Variants in SORCS3 observed in about 807,000 individuals in gnomAD.
SORCS3 encodes sortilin related VPS10 domain containing receptor 3, also known as VPS10 domain-containing receptor SorCS3.
SORCS3 carries 57 observed loss-of-function variants against 146.3 expected under a neutral mutation model. The observed-to-expected ratio is 0.39, with a 90% CI of 0.31 to 0.49. The LOEUF is 0.49. Ranked by LOEUF, SORCS3 falls within the 20% of genes least tolerant of loss-of-function variation. SORCS3 has a pLI of 0.92. For missense variants in SORCS3, 1,341 were observed against 1,575.5 expected, an observed-to-expected ratio of 0.85 and a Z score of 2.52; for synonymous variants, 653 against 618.5, an observed-to-expected ratio of 1.06 and a Z score of -0.83.
chr10:104,732,404 C>T (rs2016716299), intron 1 of SORCS3, among the ~76,000 whole-genome samples: 1 of 152,132 alleles, frequency 6.6e-6, no homozygotes, highest in South Asian at 2.1e-4. Flanking sequence ...AACCGTAGTG[C>T]TTGCATTTGA....
At chr10:104,952,560 C>T (rs1167269164) in intron 3 of SORCS3, among the ~76,000 whole-genome samples, 3 of 152,042 alleles carry the variant, frequency 2.0e-5, no homozygotes, top group Admixed American at 2.0e-4. Flanking sequence ...TCTCAGTGTC[C>T]AAGATTCTTG....
intron 1 of SORCS3, among the ~76,000 whole-genome samples, chr10:104,782,783 G>T (rs984778132): frequency 6.6e-6 from 1 of 152,128 alleles, no homozygotes; most frequent in Non-Finnish European, 1.5e-5. Flanking sequence ...TCTTCTGACC[G>T]TGAAATGGAT....
intron 4 of SORCS3, among the ~76,000 whole-genome samples, chr10:105,009,909 A>G (rs902080189): frequency 6.6e-6 from 1 of 152,148 alleles, no homozygotes; most frequent in African/African-American, 2.4e-5. Context: ...GTGGAAACAT[A>G]GAAAGACTTA....
chr10:104,709,249 C>T (rs2016384795), intron 1 of SORCS3, among the ~76,000 whole-genome samples: 1 of 152,194 alleles, frequency 6.6e-6, no homozygotes, highest in Non-Finnish European at 1.5e-5. Flanking sequence ...TCTGGGAATG[C>T]GTCACATGGA....
intron 20 of SORCS3, among the ~76,000 whole-genome samples, chr10:105,241,130 G>T (rs1347164182): frequency 6.6e-6 from 1 of 151,968 alleles, no homozygotes; most frequent in Non-Finnish European, 1.5e-5. Context: ...AATTCTTAGG[G>T]TTGCAGTTCC....
chr10:104,650,344 T>C (rs2015543041), intron 1 of SORCS3, among the ~76,000 whole-genome samples: 1 of 152,194 alleles, frequency 6.6e-6, no homozygotes, highest in Non-Finnish European at 1.5e-5. Context: ...TACCAGGAAT[T>C]GTTCCGAAGG....
At chr10:104,643,709 G>GGGGTGTGTGTGT (rs758845919) in intron 1 of SORCS3, among the ~76,000 whole-genome samples, 12 of 144,638 alleles carry the variant, frequency 8.3e-5, no homozygotes, top group Non-Finnish European at 1.1e-4. Flanking sequence ...TGATAATTAG[G>GGGGTGTGTGTGT]GTGTGTGTGT....
At chr10:104,822,548 C>T (rs906518424) in intron 1 of SORCS3, among the ~76,000 whole-genome samples, 4 of 152,106 alleles carry the variant, frequency 2.6e-5, no homozygotes, top group South Asian at 2.1e-4. Context: ...AGGTTCTGCT[C>T]CTTTCTCAGG....
chr10:105,005,319 C>T (rs747763111), intron 4 of SORCS3, among the ~76,000 whole-genome samples: 76 of 152,122 alleles, frequency 5.0e-4, no homozygotes, highest in Non-Finnish European at 9.4e-4. Flanking sequence ...TAGAAACAAA[C>T]ATGGAACTAC....
At chr10:105,204,200 A>T (rs1051824914) in intron 16 of SORCS3, among the ~76,000 whole-genome samples, 2 of 152,094 alleles carry the variant, frequency 1.3e-5, no homozygotes, top group Non-Finnish European at 2.9e-5. Context: ...ATGAGAAGAA[A>T]CATCTTGGAT....
chr10:105,190,102 G>A (rs1363788031), intron 14 of SORCS3, among the ~76,000 whole-genome samples: 2 of 152,212 alleles, frequency 1.3e-5, no homozygotes, highest in African/African-American at 4.8e-5. Context: ...CCATACCTCA[G>A]TGCCAAACTG....
chr10:104,993,485 A>G (rs1457374266), intron 4 of SORCS3, among the ~76,000 whole-genome samples: 3 of 152,216 alleles, frequency 2.0e-5, no homozygotes, highest in Admixed American at 2.0e-4. Context: ...AAGCTTTCTA[A>G]TAGGCAGCTA....
intron 7 of SORCS3, among the ~76,000 whole-genome samples, chr10:105,135,745 G>A (rs764730295): frequency 2.6e-5 from 4 of 152,140 alleles, no homozygotes; most frequent in Non-Finnish European, 4.4e-5. Flanking sequence ...TTAGACACAG[G>A]CACGATTAAG....
chr10:105,129,528 A>G (rs1007565363), intron 7 of SORCS3, among the ~76,000 whole-genome samples: 7 of 151,904 alleles, frequency 4.6e-5, no homozygotes, highest in African/African-American at 7.3e-5. Flanking sequence ...CACTGAAAGT[A>G]TTAGCTCTTA....
At chr10:105,173,510 A>AT (rs978789022) in intron 13 of SORCS3, among the ~76,000 whole-genome samples, 6 of 151,564 alleles carry the variant, frequency 4.0e-5, no homozygotes, top group South Asian at 4.2e-4. Context: ...AAATATTTCC[A>AT]TTTTTTTTCC....
At chr10:104,849,030 G>A (rs149213083) in intron 2 of SORCS3, among the ~76,000 whole-genome samples, 3 of 152,250 alleles carry the variant, frequency 2.0e-5, no homozygotes, top group East Asian at 3.9e-4. Flanking sequence ...GGAATGAATC[G>A]GAGAAGAGAG....
At chr10:104,720,406 T>C (rs924647029) in intron 1 of SORCS3, among the ~76,000 whole-genome samples, 13 of 152,218 alleles carry the variant, frequency 8.5e-5, no homozygotes, top group Admixed American at 2.0e-4. Flanking sequence ...TTCCAAGTCT[T>C]TGCTATTGTG....
intron 6 of SORCS3, among the ~76,000 whole-genome samples, chr10:105,103,469 G>A (rs761625956): frequency 6.6e-6 from 1 of 152,168 alleles, no homozygotes; most frequent in Non-Finnish European, 1.5e-5. Context: ...CTTGTTTCAA[G>A]TCCATCCAGT....
At position 105,223,050 on chromosome 10, in the gene SORCS3, A is replaced by G. The variant is rs376090971; in HGVS notation, c.2735-66A>G. The G allele has an allele frequency of 8.8e-6, 13 of 1,472,810 alleles. No homozygotes were observed. In the African/African-American group the frequency reaches 1.7e-4, roughly 19 times the overall value. 91.2% of individuals were successfully genotyped at this position (1,472,810 alleles called of 1,614,324 possible). A position where few individuals can be genotyped will look rare whatever the true frequency, so the allele number is the denominator to read the frequency against. The stretch of plus-strand genomic sequence containing the variant: ...GAATAGAATTTAAGGTTAAGAATCT[A>G]GGGGTGTGATACAGTTTGACCACAT... On this transcript the variant is annotated intron_variant, in intron 19 of 26. Transcript: ENST00000369701.
Sources: allele counts gnomAD v4.1 joint callset (sites outside exome capture counted in the v4.1 genomes callset), GRCh38; gene constraint gnomAD v4.1.1; transcripts MANE v1.5; gene names NCBI Gene and HGNC (gene_info 2026-07-23, HGNC 2026-07-21).